Variants in MBD5 observed in about 807,000 individuals in gnomAD.
MBD5 encodes methyl-CpG binding domain protein 5.
A neutral mutation model predicts 117.3 loss-of-function variants in MBD5; 13 were observed. The ratio of observed to expected loss-of-function variants is 0.11; its 90% confidence interval spans 0.07 to 0.18. The LOEUF is 0.18. Among genes scored for constraint, MBD5 ranks in the 10% least tolerant of loss-of-function variants. MBD5 has a pLI of 1.00. For synonymous variants in MBD5, 727 were observed against 766.4 expected, an observed-to-expected ratio of 0.95 and a Z score of 0.85; for missense variants, 1,879 against 2,093.8, an observed-to-expected ratio of 0.90 and a Z score of 2.00.
intron 4 of MBD5, among the ~76,000 whole-genome samples, chr2:148,408,768 C>A (rs1705158869): frequency 6.6e-6 from 1 of 152,034 alleles, no homozygotes; most frequent in South Asian, 2.1e-4. Context: ...ATTTAACTAA[C>A]CATGGATCAA....
At chr2:148,365,171 C>T (rs1703659532) in intron 4 of MBD5, among the ~76,000 whole-genome samples, 1 of 152,192 alleles carries the variant, frequency 6.6e-6, no homozygotes, top group South Asian at 2.1e-4. Flanking sequence ...AATTAGAACT[C>T]AGGATTACAA....
At chr2:148,401,985 C>T (rs1309364177) in intron 4 of MBD5, among the ~76,000 whole-genome samples, 1 of 151,756 alleles carries the variant, frequency 6.6e-6, no homozygotes, top group Admixed American at 6.6e-5. Flanking sequence ...TAAGATTATG[C>T]ATTTTGAAGA....
At chr2:148,183,598 C>T (rs748319610) in intron 2 of MBD5, among the ~76,000 whole-genome samples, 4 of 152,040 alleles carry the variant, frequency 2.6e-5, no homozygotes, top group Non-Finnish European at 5.9e-5. Flanking sequence ...GTCTCTTCAT[C>T]TTCTCCTACC....
At position 148,512,976 on chromosome 2, in the gene MBD5, A is replaced by C; in HGVS notation, c.*35A>C. The C allele has an allele frequency of 6.4e-7, 1 of 1,565,516 alleles. No individual in the cohort carries two copies. The highest frequency in any genetic ancestry group is 8.8e-7 in the Non-Finnish European group (1 of 1,136,004). On this transcript the variant is annotated 3_prime_UTR_variant, in exon 14 of 14. Transcript: ENST00000642680. ...CTCCACTAATGCGCAGTGTTTATTA[A>C]AGGAACATGCACAGATGTATCTGTA...
At chr2:148,424,660 A>G (rs1705719678) in intron 4 of MBD5, among the ~76,000 whole-genome samples, 1 of 152,220 alleles carries the variant, frequency 6.6e-6, no homozygotes, top group South Asian at 2.1e-4. Context: ...CAAATGTAAA[A>G]GAACAGAAAT....
At chr2:148,072,058 A>C (rs1045381730) in intron 1 of MBD5, 8 of 152,178 alleles carry the variant, frequency 5.3e-5, no homozygotes, top group Admixed American at 5.2e-4. Context: ...ACGTATCTGT[A>C]CTTCTTGTTT....
At position 148,489,563 on chromosome 2, in the gene MBD5, G is replaced by T. The variant is rs1200020074; in HGVS notation, c.3931G>T (p.Gly1311Cys). The T allele has an allele frequency of 4.3e-6, 7 of 1,614,184 alleles. No individual in the cohort carries two copies. In the South Asian group the frequency reaches 7.7e-5, roughly 18 times the overall value. Reference sequence around the variant, plus strand: ...ACAGGTGAAGGATGGCCTCGTTGTGGGTGGCCCAGGTGATGCTTCCGTAGA... The same window carrying T: ...ACAGGTGAAGGATGGCCTCGTTGTGTGTGGCCCAGGTGATGCTTCCGTAGA... ...GQQVKDGLVV[G>C]GPGDASVDAI... The change falls in exon 11 of 14, where the codon GGT becomes TGT. Residue 1311 changes from glycine (G) to cysteine (C), a missense_variant. Around this residue, in one of 4 missense-constraint regions of MBD5, gnomAD observed 1,666 missense variants for 1,792.2 expected, o/e 0.93. Transcript: ENST00000642680.
chr2:148,163,671 T>C (rs371544042), intron 1 of MBD5, among the ~76,000 whole-genome samples: 24 of 152,120 alleles, frequency 1.6e-4, no homozygotes, highest in African/African-American at 5.8e-4. Flanking sequence ...TGCCTCAGCC[T>C]CCCAAAGTGC....
Position 148,489,782 on chromosome 2 carries a change from G to A in MBD5, c.4150G>A (p.Gly1384Ser), listed in dbSNP as rs565593047. The change falls in exon 11 of 14, where the codon GGT becomes AGT. Residue 1384 changes from glycine to serine, a missense_variant. Physicochemically the swap from Gly to Ser is moderately conservative, Grantham distance 56. Transcript: ENST00000642680. ...SAVIHGRNMG[G>S]VDHDGRLRNS... ...GGTCATTCATGGACGGAACATGGGA[G>A]GTGTTGATCATGATGGTAGGCTGAG... 1.2e-6 allele frequency: 2 copies of A among 1,614,154 alleles called. No individual in the cohort carries two copies. Among genetic ancestry groups the A allele is most frequent in the Non-Finnish European group, 8.5e-7 (1 of 1,180,026 alleles).
intron 1 of MBD5, among the ~76,000 whole-genome samples, chr2:148,040,840 T>C (rs2105676337): frequency 6.6e-6 from 1 of 152,244 alleles, no homozygotes; most frequent in Non-Finnish European, 1.5e-5. Context: ...AAATTTTAAA[T>C]CAAAATCTTT....
chr2:148,397,978 T>A (rs1425166862), intron 4 of MBD5, among the ~76,000 whole-genome samples: 1 of 152,234 alleles, frequency 6.6e-6, no homozygotes, highest in Non-Finnish European at 1.5e-5. Flanking sequence ...ACAAAGGACA[T>A]GAACTCATCA....
chr2:148,047,934 A>G (rs1025444150), intron 1 of MBD5, among the ~76,000 whole-genome samples: 1 of 152,208 alleles, frequency 6.6e-6, no homozygotes, highest in East Asian at 1.9e-4. Context: ...TCATACATAG[A>G]GTTGTTTATT....
At chr2:148,363,091 A>T (rs1703588701) in intron 4 of MBD5, among the ~76,000 whole-genome samples, 1 of 152,170 alleles carries the variant, frequency 6.6e-6, no homozygotes, top group Non-Finnish European at 1.5e-5. Context: ...CCTCCAAGTG[A>T]TCACAACTCC....
chr2:148,477,970 G>A (rs1266181235), intron 8 of MBD5, among the ~76,000 whole-genome samples: 3 of 152,002 alleles, frequency 2.0e-5, no homozygotes, highest in African/African-American at 7.2e-5. Flanking sequence ...TACTTCATTG[G>A]TCTCTTTGAT....
At chr2:148,459,785 A>G (rs994312208) in intron 5 of MBD5, among the ~76,000 whole-genome samples, 4 of 152,214 alleles carry the variant, frequency 2.6e-5, no homozygotes, top group Non-Finnish European at 5.9e-5. Context: ...ATTTTATGGC[A>G]TAATAACTCA....
rs1256696889 is a variant in MBD5, at chr2:148,154,991, A to G, written c.-924-23709A>G. On this transcript the variant is annotated intron_variant, in intron 1 of 13. Coordinates refer to ENST00000642680, the MANE Select transcript of MBD5 (RefSeq NM_001378120.1). ...ATTTATTGAGTTCTTATGAGGTTCT[A>G]TAGGCCCTGAAGGTGCAATAGTGAT... 5.3e-5 allele frequency among the ~76,000 whole-genome samples: 8 copies of G among 152,312 alleles called. No homozygotes were observed. The East Asian group carries it at 1.3e-3, about 26-fold the overall frequency.
intron 3 of MBD5, among the ~76,000 whole-genome samples, chr2:148,241,537 G>A (rs1408964570): frequency 1.3e-5 from 2 of 152,070 alleles, no homozygotes; most frequent in African/African-American, 4.8e-5. Flanking sequence ...TTAGGTGCCA[G>A]CCTAGGTCGG....
chr2:148,486,861 A>C (rs1361538273), intron 10 of MBD5, among the ~76,000 whole-genome samples: 3 of 152,238 alleles, frequency 2.0e-5, no homozygotes, highest in Non-Finnish European at 2.9e-5. Flanking sequence ...ATGCTGATAC[A>C]GTCCTTTTGG....
rs138015847 is a variant in MBD5 at position 148,443,199 on chromosome 2, G to A, written c.-556-15004G>A. On this transcript the variant is annotated intron_variant, in intron 4 of 13. Transcript: ENST00000642680. Reference sequence around the variant, plus strand: ...GCAAACAAAACTACAGTGAGATACTGTCTCACCCCAGTTAGAATGGCTTTT... The same window carrying A: ...GCAAACAAAACTACAGTGAGATACTATCTCACCCCAGTTAGAATGGCTTTT... 1.8e-3 allele frequency among the ~76,000 whole-genome samples: 269 copies of A among 151,396 alleles called. 16 individuals are homozygous for A. Among genetic ancestry groups the A allele is most frequent in the African/African-American group, 6.3e-3 (259 of 40,788 alleles).
Sources: gnomAD v4.1 joint callset for allele counts (sites outside exome capture counted in the v4.1 genomes callset) on GRCh38, gnomAD v4.1.1 for gene constraint, gnomAD v4.1.1 regional missense constraint, MANE v1.5 for transcripts, NCBI Gene and HGNC (gene_info 2026-07-23, HGNC 2026-07-21) for gene names.